The following CCBE1 variants were observed in gnomAD, a reference collection of about 807,000 sequenced individuals.
CCBE1 encodes the protein collagen and calcium-binding EGF domain-containing protein 1.
A neutral mutation model predicts 50.0 loss-of-function variants in CCBE1; 37 were observed. The observed-to-expected ratio is 0.74, with a 90% CI of 0.57 to 0.97. The LOEUF (loss-of-function observed/expected upper bound fraction) is 0.97, where lower values mean the gene tolerates loss of function less well. Ranked by LOEUF, CCBE1 falls within the 50% of genes least tolerant of loss-of-function variation. The pLI is 0.00. For synonymous variants in CCBE1, 234 were observed against 203.7 expected (o/e 1.15, Z -1.27); for missense variants, 538 against 523.8 (o/e 1.03, Z -0.26).
At chr18:59,545,002 T>C (rs1159318712) in intron 2 of CCBE1, among the ~76,000 whole-genome samples, 3 of 152,180 alleles carry the variant, frequency 2.0e-5, no homozygotes, top group East Asian at 3.8e-4. Flanking sequence ...ACAATCAATA[T>C]ACAATTGAAA....
chr18:59,679,584 A>G (rs2054557940), intron 2 of CCBE1, among the ~76,000 whole-genome samples: 1 of 152,234 alleles, frequency 6.6e-6, no homozygotes, highest in African/African-American at 2.4e-5. Flanking sequence ...GTTCATAATT[A>G]TAAGCTACAT....
chr18:59,513,702 C>A (rs1396698863), intron 2 of CCBE1, among the ~76,000 whole-genome samples: 2 of 152,214 alleles, frequency 1.3e-5, no homozygotes, highest in East Asian at 1.9e-4. Flanking sequence ...AATGGCTACA[C>A]TTTAGAGAAA....
At chr18:59,631,356 T>TA (rs2053846160) in intron 2 of CCBE1, among the ~76,000 whole-genome samples, 1 of 152,220 alleles carries the variant, frequency 6.6e-6, no homozygotes, top group Non-Finnish European at 1.5e-5. Flanking sequence ...TGCAGTTACA[T>TA]AAGCCAATAA....
At chr18:59,598,282 C>G (rs1170656137) in intron 2 of CCBE1, among the ~76,000 whole-genome samples, 1 of 152,134 alleles carries the variant, frequency 6.6e-6, no homozygotes, top group African/African-American at 2.4e-5. Context: ...CCAGAATCAC[C>G]CCACCTCTGT....
At chr18:59,643,804 A>G (rs1042398662) in intron 2 of CCBE1, among the ~76,000 whole-genome samples, 1 of 139,672 alleles carries the variant, frequency 7.2e-6, no homozygotes, top group Admixed American at 7.1e-5. Flanking sequence ...CCTGGGCAAC[A>G]ATGCGAGACT....
chr18:59,657,470 C>T (rs1291468587), intron 2 of CCBE1, among the ~76,000 whole-genome samples: 3 of 152,256 alleles, frequency 2.0e-5, no homozygotes, highest in African/African-American at 7.2e-5. Context: ...GCACACAGTG[C>T]ACCCAACCCT....
chr18:59,471,030 C>T (rs1912007716), intron 3 of CCBE1, among the ~76,000 whole-genome samples: 1 of 152,242 alleles, frequency 6.6e-6, no homozygotes, highest in African/African-American at 2.4e-5. Flanking sequence ...CACTTGGCAT[C>T]GCCTCTAGGC....
In CCBE1 at chr18:59,432,723, T is replaced by G. The variant is rs1161342022; in HGVS notation, c.*3185A>C. 4 of 152,190 alleles carry G rather than the reference T, an allele frequency of 2.6e-5. No homozygotes were observed. The East Asian group carries it at 7.7e-4, about 29-fold the overall frequency. The allele number at this position is 152,190 out of a possible 1,614,324, so 9.4% of individuals were successfully genotyped here. A position where few individuals can be genotyped will look rare whatever the true frequency, so the allele number is the denominator to read the frequency against. On this transcript the variant is annotated 3_prime_UTR_variant, in exon 11 of 11. Transcript: ENST00000439986. ...ATAAGTTTTGCTGGAGAATATTATCTGGAATAGTTTCATGAAACCCAGACA... is the reference window on the plus strand; with the variant it reads ...ATAAGTTTTGCTGGAGAATATTATCGGGAATAGTTTCATGAAACCCAGACA...
rs150273529 is a variant in CCBE1 at position 59,653,715 on chromosome 18, C to T, written c.212+42914G>A. ...AAAAATTAAAAAATTAAAAATCCCA[C>T]GCTGACATCCAGGGGTTAAATTCAG... On this transcript the variant is annotated intron_variant, in intron 2 of 10. Transcript: ENST00000439986. 2.6e-5 allele frequency among the ~76,000 whole-genome samples: 4 copies of T among 152,292 alleles called. No individual in the cohort carries two copies. In the East Asian group the frequency reaches 5.8e-4, roughly 22 times the overall value.
chr18:59,652,258 A>G (rs2054136288), intron 2 of CCBE1, among the ~76,000 whole-genome samples: 1 of 152,180 alleles, frequency 6.6e-6, no homozygotes, highest in Non-Finnish European at 1.5e-5. Flanking sequence ...TAAAAATCTC[A>G]GCCTTGGAAT....
intron 2 of CCBE1, among the ~76,000 whole-genome samples, chr18:59,662,420 C>G (rs918049847): frequency 6.6e-6 from 1 of 152,202 alleles, no homozygotes; most frequent in African/African-American, 2.4e-5. Flanking sequence ...TATTTGTACT[C>G]TACAAATAGA....
chr18:59,480,753 A>AT (rs10636742), intron 2 of CCBE1, among the ~76,000 whole-genome samples: 93 of 150,032 alleles, frequency 6.2e-4, no homozygotes, highest in African/African-American at 1.2e-3. Context: ...CATTTGAGTG[A>AT]TTTTTTTTTT....
At chr18:59,530,778 G>A (rs1380431819) in intron 2 of CCBE1, among the ~76,000 whole-genome samples, 2 of 152,148 alleles carry the variant, frequency 1.3e-5, no homozygotes, top group Non-Finnish European at 2.9e-5. Flanking sequence ...ACATACAAAT[G>A]AATTTCCTTA....
intron 2 of CCBE1, among the ~76,000 whole-genome samples, chr18:59,618,187 G>C (rs2053662314): frequency 6.6e-6 from 1 of 152,120 alleles, no homozygotes; most frequent in South Asian, 2.1e-4. Context: ...GGTGGCTCAT[G>C]CCTGCAACCC....
At chr18:59,624,238 T>G (rs902970916) in intron 2 of CCBE1, among the ~76,000 whole-genome samples, 1 of 152,238 alleles carries the variant, frequency 6.6e-6, no homozygotes, top group Non-Finnish European at 1.5e-5. Context: ...TCATTCTTAT[T>G]GGCTAGACCT....
intron 2 of CCBE1, among the ~76,000 whole-genome samples, chr18:59,592,178 C>G (rs1437649354): frequency 6.6e-6 from 1 of 152,144 alleles, no homozygotes; most frequent in African/African-American, 2.4e-5. Flanking sequence ...GAGCTATTAT[C>G]CTGCCTGTGA....
intron 2 of CCBE1, among the ~76,000 whole-genome samples, chr18:59,505,653 T>A (rs1913836567): frequency 6.6e-6 from 1 of 152,180 alleles, no homozygotes; most frequent in South Asian, 2.1e-4. Context: ...TAAAGACATG[T>A]TAAAATTGGA....
chr18:59,561,422 C>T lies in CCBE1; in HGVS notation c.213-81184G>A, dbSNP rs1224202066. On this transcript the variant is annotated intron_variant, in intron 2 of 10. Transcript: ENST00000439986. The stretch of plus-strand genomic sequence containing the variant: ...GGGGGTGGAGTGTAAGTTACATGGA[C>T]GTGCTTTGGTCAAGGAATAGACCGA... Among the ~76,000 whole-genome samples the T allele has an allele frequency of 3.3e-5, 5 of 152,262 alleles. No homozygotes were observed. In the South Asian group the frequency reaches 6.2e-4, roughly 19 times the overall value.
Position 59,563,477 on chromosome 18 carries a change from A to G in CCBE1, c.213-83239T>C, listed in dbSNP as rs73961249. Among the ~76,000 whole-genome samples the G allele has an allele frequency of 7.5e-3, 1,137 of 152,324 alleles. 22 individuals carry two copies. Among genetic ancestry groups the G allele is most frequent in the African/African-American group, 0.026 (1,061 of 41,572 alleles). On this transcript the variant is annotated intron_variant, in intron 2 of 10. Coordinates refer to ENST00000439986, the MANE Select transcript of CCBE1 (RefSeq NM_133459.4). Reference sequence around the variant, plus strand: ...ATATTTTTTTCTGTGAATCAGGAAGATAACATCACTATTTGATTCTGGCTG... The same window carrying G: ...ATATTTTTTTCTGTGAATCAGGAAGGTAACATCACTATTTGATTCTGGCTG...
Sources: gnomAD v4.1 joint callset for allele counts (sites outside exome capture counted in the v4.1 genomes callset) on GRCh38, gnomAD v4.1.1 for gene constraint, MANE v1.5 for transcripts, NCBI Gene and HGNC (gene_info 2026-07-23, HGNC 2026-07-21) for gene names.